Variants in SBK1 observed in about 807,000 individuals in gnomAD.
SBK1 encodes the protein SH3 domain binding kinase 1, also known as serine/threonine-protein kinase SBK1.
Under a neutral mutation model 24.4 loss-of-function variants are expected in SBK1, and 11 were observed. That is an observed-to-expected ratio of 0.45 (90% CI 0.28 to 0.75). SBK1 has a LOEUF of 0.75. SBK1 is among the 30% of genes least tolerant of loss of function. SBK1 has a pLI of 0.12. For missense variants in SBK1, 467 were observed against 620.5 expected, an observed-to-expected ratio of 0.75 and a Z score of 2.63; for synonymous variants, 308 against 284.4, an observed-to-expected ratio of 1.08 and a Z score of -0.83.
intron 2 of SBK1, among the ~76,000 whole-genome samples, chr16:28,318,017 G>A (rs1465936544): frequency 6.6e-6 from 1 of 152,116 alleles, no homozygotes; most frequent in Non-Finnish European, 1.5e-5. Context: ...CTCAGGAACA[G>A]GGTGCCACAC....
intron 1 of SBK1, among the ~76,000 whole-genome samples, chr16:28,302,114 T>C (rs987531210): frequency 6.6e-6 from 1 of 152,196 alleles, no homozygotes; most frequent in African/African-American, 2.4e-5. Context: ...TGGGACATTT[T>C]TCAGGGAAGA....
At chr16:28,269,327 G>A (rs932377092) in intron 1 of SBK1, among the ~76,000 whole-genome samples, 3 of 151,870 alleles carry the variant, frequency 2.0e-5, no homozygotes, top group African/African-American at 4.8e-5. Context: ...GAGCCACCAT[G>A]CCTGGCCTGC....
At position 28,319,959 on chromosome 16, in the gene SBK1, T is replaced by C. The variant is rs2044826128; in HGVS notation, c.430-117T>C. The C allele has an allele frequency of 3.9e-6, 4 of 1,032,572 alleles. No individual in the cohort carries two copies. The highest frequency in any genetic ancestry group is 5.3e-6 in the Non-Finnish European group (4 of 748,212). 64.0% of individuals were successfully genotyped at this position (1,032,572 alleles called of 1,614,324 possible). A position where few individuals can be genotyped will look rare whatever the true frequency, so the allele number is the denominator to read the frequency against. ...GCCGCGTCTGCGCGGTCGCCCCAGTTACTGGGGACAGGGTGGGAGGCGAAA... is the reference window on the plus strand; with the variant it reads ...GCCGCGTCTGCGCGGTCGCCCCAGTCACTGGGGACAGGGTGGGAGGCGAAA... On this transcript the variant is annotated intron_variant, in intron 3 of 3. Transcript: ENST00000341901. This position sits in a 1 kb window ranked among gnomAD's most constrained non-coding sequence, Gnocchi z 4.0.
chr16:28,314,490 A>G (rs2044778517), intron 1 of SBK1, among the ~76,000 whole-genome samples: 1 of 152,088 alleles, frequency 6.6e-6, no homozygotes, highest in African/African-American at 2.4e-5. Flanking sequence ...TGTATAGATG[A>G]GGAAACTGAG....
At chr16:28,275,342 C>A (rs1373580383) in intron 1 of SBK1, among the ~76,000 whole-genome samples, 1 of 151,980 alleles carries the variant, frequency 6.6e-6, no homozygotes, top group Non-Finnish European at 1.5e-5. Context: ...GGTGAGGCTG[C>A]CCCTGTGCGT....
upstream of SBK1, among the ~76,000 whole-genome samples, chr16:28,289,495 G>A (rs1306330002): frequency 6.6e-6 from 1 of 152,220 alleles, no homozygotes; most frequent in Non-Finnish European, 1.5e-5. Flanking sequence ...GCCGGGTGAG[G>A]TGGTTCACAC....
intron 1 of SBK1, among the ~76,000 whole-genome samples, chr16:28,265,439 G>C (rs1050365046): frequency 4.0e-5 from 6 of 151,684 alleles, no homozygotes; most frequent in African/African-American, 1.5e-4. Context: ...ATAAATACTA[G>C]CCGGGCATGG....
Position 28,320,345 on chromosome 16 carries a change from C to T in SBK1, c.699C>T (p.Gly233=), listed in dbSNP as rs905253349. Residue 233 remains glycine, a synonymous_variant, in exon 4 of 4, where the codon GGC becomes GGT. Coordinates refer to ENST00000341901, the MANE Select transcript of SBK1 (RefSeq NM_001024401.3). The surrounding 1 kb of genome is among the most constrained non-coding windows in gnomAD (Gnocchi z 8.5). ...CCGACGGGCTGGCGGTGGACACGGGCGTGGACGTGTGGGCCTTCGGCGTGC... is the reference window on the plus strand; with the variant it reads ...CCGACGGGCTGGCGGTGGACACGGGTGTGGACGTGTGGGCCTTCGGCGTGC... ...GRADGLAVDT[G]VDVWAFGVLI... 8 of 1,593,502 alleles carry T rather than the reference C, an allele frequency of 5.0e-6. No individual in the cohort carries two copies. The Admixed American group carries it at 1.0e-4, about 20-fold the overall frequency.
rs1376864679 is a variant in SBK1, at chr16:28,319,202, T to G, written c.429+5T>G. 4 of 1,612,178 alleles carry G rather than the reference T, an allele frequency of 2.5e-6. No homozygotes were observed. Among genetic ancestry groups the G allele is most frequent in the Non-Finnish European group, 3.4e-6 (4 of 1,178,420 alleles). On this transcript the variant is annotated splice_donor_5th_base_variant and intron_variant, in intron 3 of 3. Coordinates refer to ENST00000341901, the MANE Select transcript of SBK1 (RefSeq NM_001024401.3). This position sits in a 1 kb window ranked among gnomAD's most constrained non-coding sequence, Gnocchi z 4.0. ...TTTGACATCATCCCTCCCCAGGTAC[T>G]CGGGATGGTGGCATAGGGTGGGGAA...
chr16:28,299,533 GCTTCCA>G (rs1268581697), intron 1 of SBK1, among the ~76,000 whole-genome samples: 1 of 152,116 alleles, frequency 6.6e-6, no homozygotes, highest in African/African-American at 2.4e-5. Context: ...CCTGCCCCAC[GCTTCCA>G]CTTACACGGG....
chr16:28,302,209 G>T (rs543022066), intron 1 of SBK1, among the ~76,000 whole-genome samples: 1 of 152,346 alleles, frequency 6.6e-6, no homozygotes, highest in East Asian at 1.9e-4. Context: ...GAGAAGGAGG[G>T]GCTGGCCAGG....
chr16:28,283,956 C>T (rs1338480884), intron 1 of SBK1, among the ~76,000 whole-genome samples: 6 of 152,200 alleles, frequency 3.9e-5, no homozygotes, highest in Non-Finnish European at 1.5e-5. Flanking sequence ...CCCAGCAGCT[C>T]TCCCCGGTGA....
intron 1 of SBK1, among the ~76,000 whole-genome samples, chr16:28,298,309 G>A (rs1004573311): frequency 2.6e-5 from 4 of 152,198 alleles, no homozygotes; most frequent in African/African-American, 7.2e-5. Flanking sequence ...AGGAAGCAGC[G>A]GAACATCTCC....
At chr16:28,281,553 A>C (rs572561690) in intron 1 of SBK1, among the ~76,000 whole-genome samples, 4 of 152,268 alleles carry the variant, frequency 2.6e-5, no homozygotes, top group Admixed American at 2.0e-4. Flanking sequence ...TAAGGCTGGC[A>C]GCTGATGGAC....
intron 2 of SBK1, 149 bp from the exon 3 acceptor site, chr16:28,318,846 C>T (rs956890826): frequency 4.3e-6 from 3 of 699,540 alleles, no homozygotes; most frequent in South Asian, 1.7e-5. Context: ...GTCCTTTCCT[C>T]TCTCTGGGTC....
chr16:28,313,555 G>A (rs1377181954), intron 1 of SBK1, among the ~76,000 whole-genome samples: 2 of 145,224 alleles, frequency 1.4e-5, no homozygotes, highest in African/African-American at 2.6e-5. Flanking sequence ...CTGAGATCAC[G>A]CCACTGCACT....
rs1165491332 is a variant in SBK1 at position 28,322,741 on chromosome 16, C to T, written c.*1820C>T. On this transcript the variant is annotated 3_prime_UTR_variant, in exon 4 of 4. Transcript: ENST00000341901. ...CCCACTCCCTCCAAGGACCAGGTCT[C>T]AGAGAAGGCCCTGGTCACTGCCCCC... 6.5e-6 allele frequency: 1 copy of T among 152,760 alleles called. No homozygotes were observed. Among genetic ancestry groups the T allele is most frequent in the African/African-American group, 2.4e-5 (1 of 41,424 alleles). The allele number at this position is 152,760 out of a possible 1,614,324, so 9.5% of individuals were successfully genotyped here.
chr16:28,306,245 A>G (rs1465393614), intron 1 of SBK1, among the ~76,000 whole-genome samples: 46 of 152,164 alleles, frequency 3.0e-4, no homozygotes, highest in Admixed American at 3.0e-3. Context: ...CTTTTCCATC[A>G]TGGGGGAAGG....
In SBK1 at chr16:28,321,228, CA is replaced by C; in HGVS notation, c.*308del. 8.8e-6 allele frequency: 1 copy of C among 114,168 alleles called. No homozygotes were observed. 7.1% of individuals were successfully genotyped at this position (114,168 alleles called of 1,614,324 possible). ...ACACACACACACACACACACACACA[CA>C]CACACACACGCCAGGAGCAAGGGAG... On this transcript the variant is annotated 3_prime_UTR_variant, in exon 4 of 4. Coordinates refer to ENST00000341901, the MANE Select transcript of SBK1 (RefSeq NM_001024401.3).
Sources: gnomAD v4.1 joint callset for allele counts (sites outside exome capture counted in the v4.1 genomes callset) on GRCh38, gnomAD v4.1.1 for gene constraint, Gnocchi (gnomAD v3.1) non-coding constraint, MANE v1.5 for transcripts, NCBI Gene and HGNC (gene_info 2026-07-23, HGNC 2026-07-21) for gene names.